The following ATE1 variants were observed in gnomAD, a reference collection of about 807,000 sequenced individuals.
ATE1 encodes arginyl-tRNA--protein transferase 1.
A neutral mutation model predicts 70.5 loss-of-function variants in ATE1; 36 were observed. The ratio of observed to expected loss-of-function variants is 0.51; its 90% confidence interval spans 0.39 to 0.67. ATE1 has a LOEUF of 0.67. Ranked by LOEUF, ATE1 falls within the 30% of genes least tolerant of loss-of-function variation. ATE1 has a pLI of 0.00. For synonymous variants in ATE1, 232 were observed against 219.3 expected (o/e 1.06, Z -0.51); for missense variants, 593 against 629.5 (o/e 0.94, Z 0.62).
chr10:121,836,696 C>A (rs1279929330), intron 10 of ATE1, 22 bp downstream of exon 10: 1 of 1,378,272 alleles, frequency 7.3e-7, no homozygotes, highest in Non-Finnish European at 1.0e-6. Context: ...TAAAAATACA[C>A]ATATGTGAAA....
At chr10:121,805,744 G>C (rs114049185) in intron 10 of ATE1, among the ~76,000 whole-genome samples, 3 of 152,012 alleles carry the variant, frequency 2.0e-5, no homozygotes, top group Non-Finnish European at 4.4e-5. Context: ...AATCCTTAAC[G>C]TTTGCAAGAA....
intron 6 of ATE1, among the ~76,000 whole-genome samples, chr10:121,901,251 G>C (rs1204909747): frequency 6.6e-6 from 1 of 151,726 alleles, no homozygotes; most frequent in Non-Finnish European, 1.5e-5. Context: ...TAGGCAACAA[G>C]AGTGAAACTC....
chr10:121,919,257 T>G (rs901227802), intron 3 of ATE1, among the ~76,000 whole-genome samples: 1 of 152,058 alleles, frequency 6.6e-6, no homozygotes, highest in African/African-American at 2.4e-5. Flanking sequence ...GCTTCATTCT[T>G]GAAGTGAGCG....
intron 6 of ATE1, among the ~76,000 whole-genome samples, chr10:121,900,874 C>T (rs1392589852): frequency 6.6e-6 from 1 of 152,168 alleles, no homozygotes; most frequent in Non-Finnish European, 1.5e-5. Flanking sequence ...AGATAAAAGA[C>T]ACCTTGTAAA....
chr10:121,924,706 A>G (rs982308970), intron 1 of ATE1, among the ~76,000 whole-genome samples: 1 of 152,022 alleles, frequency 6.6e-6, no homozygotes, highest in African/African-American at 2.4e-5. Context: ...TCTCAAAAAA[A>G]AAAAAAAAAA....
chr10:121,764,483 C>CAA (rs56333855), intron 11 of ATE1, among the ~76,000 whole-genome samples: 1 of 123,716 alleles, frequency 8.1e-6, no homozygotes, highest in African/African-American at 3.1e-5. Context: ...CCGGTTCCTG[C>CAA]AAAAAAAAAA....
intron 10 of ATE1, among the ~76,000 whole-genome samples, chr10:121,815,871 C>T (rs1947520573): frequency 6.6e-6 from 1 of 152,124 alleles, no homozygotes. Flanking sequence ...TGGGGTATGT[C>T]CTATTGCAGG....
chr10:121,831,219 C>T (rs964843099), intron 10 of ATE1, among the ~76,000 whole-genome samples: 4 of 152,112 alleles, frequency 2.6e-5, no homozygotes, highest in African/African-American at 4.8e-5. Context: ...GATACTGTTT[C>T]GAATAACCTA....
intron 8 of ATE1, among the ~76,000 whole-genome samples, chr10:121,857,486 C>T (rs1949290650): frequency 6.6e-6 from 1 of 152,168 alleles, no homozygotes; most frequent in Non-Finnish European, 1.5e-5. Flanking sequence ...ATATGTACTA[C>T]ATTTTCTTTA....
At chr10:121,903,932 A>T (rs1051678273) in intron 5 of ATE1, among the ~76,000 whole-genome samples, 4 of 152,100 alleles carry the variant, frequency 2.6e-5, no homozygotes, top group Non-Finnish European at 5.9e-5. Flanking sequence ...TTTGTTTCAG[A>T]AACAGAGACA....
At chr10:121,914,638 C>T (rs1015281351) in intron 3 of ATE1, among the ~76,000 whole-genome samples, 1 of 152,084 alleles carries the variant, frequency 6.6e-6, no homozygotes, top group African/African-American at 2.4e-5. Flanking sequence ...GTCTTGTTTT[C>T]GAAGCAGTTA....
chr10:121,907,389 C>T (rs904278279), intron 5 of ATE1, among the ~76,000 whole-genome samples: 3 of 151,870 alleles, frequency 2.0e-5, no homozygotes, highest in Admixed American at 2.0e-4. Context: ...CACTTAAACC[C>T]GGGAAGCAGA....
At chr10:121,769,922 T>C (rs543715274) in intron 11 of ATE1, among the ~76,000 whole-genome samples, 1 of 152,218 alleles carries the variant, frequency 6.6e-6, no homozygotes, top group South Asian at 2.1e-4. Context: ...GAATGTAAAA[T>C]GGCAGCCATG....
intron 11 of ATE1, among the ~76,000 whole-genome samples, chr10:121,786,091 C>T (rs190531602): frequency 4.1e-4 from 61 of 147,756 alleles, no homozygotes; most frequent in Non-Finnish European, 7.1e-4. Flanking sequence ...ATTTTTGTGA[C>T]AAAAAATATT....
intron 8 of ATE1, among the ~76,000 whole-genome samples, chr10:121,848,375 G>C (rs1007120299): frequency 6.6e-6 from 1 of 151,996 alleles, no homozygotes; most frequent in Non-Finnish European, 1.5e-5. Context: ...CCAGTACTTT[G>C]GGAGGCAGAG....
intron 11 of ATE1, among the ~76,000 whole-genome samples, chr10:121,758,230 T>C (rs1944888560): frequency 6.6e-6 from 1 of 152,344 alleles, no homozygotes; most frequent in African/African-American, 2.4e-5. Flanking sequence ...TTTAAATCAA[T>C]AGCTTTAAAT....
chr10:121,860,113 CTAAGAA>C (rs1949416119), intron 8 of ATE1, among the ~76,000 whole-genome samples: 1 of 152,044 alleles, frequency 6.6e-6, no homozygotes, highest in African/African-American at 2.4e-5. Context: ...GTCATAATAT[CTAAGAA>C]TGAGAAAACG....
intron 11 of ATE1, 120 bp downstream of exon 11, chr10:121,790,049 T>C (rs2133269770): frequency 2.0e-6 from 2 of 1,018,426 alleles, no homozygotes; most frequent in Non-Finnish European, 1.4e-6. Flanking sequence ...CACACACTCA[T>C]GCACAGCATA....
At chr10:121,781,917 T>C (rs1356303475) in intron 11 of ATE1, among the ~76,000 whole-genome samples, 1 of 152,206 alleles carries the variant, frequency 6.6e-6, no homozygotes, top group African/African-American at 2.4e-5. Flanking sequence ...AGAAGAATCT[T>C]ATCCCAGGTT....
Sources: gnomAD v4.1 joint callset for allele counts (sites outside exome capture counted in the v4.1 genomes callset) on GRCh38, gnomAD v4.1.1 for gene constraint, MANE v1.5 for transcripts, NCBI Gene and HGNC (gene_info 2026-07-23, HGNC 2026-07-21) for gene names.